JPH3: variants seen among roughly 807,000 people sequenced by gnomAD.
JPH3 encodes the protein junctophilin-3.
A neutral mutation model predicts 59.6 loss-of-function variants in JPH3; 11 were observed. The observed-to-expected ratio is 0.18, with a 90% CI of 0.12 to 0.31. JPH3 has a LOEUF of 0.31. Ranked by LOEUF, JPH3 falls within the 10% of genes least tolerant of loss-of-function variation. JPH3 has a pLI of 1.00. For synonymous variants in JPH3, 673 were observed against 483.6 expected, an observed-to-expected ratio of 1.39 and a Z score of -5.14; for missense variants, 1,202 against 1,105.7, an observed-to-expected ratio of 1.09 and a Z score of -1.24.
At chr16:87,668,225 T>C (rs1214440220) in intron 2 of JPH3, among the ~76,000 whole-genome samples, 1 of 152,184 alleles carries the variant, frequency 6.6e-6, no homozygotes, top group Non-Finnish European at 1.5e-5. Flanking sequence ...CCTGCGCGGC[T>C]GCTGGATCTG....
chr16:87,628,874 AG>A (rs1286449080), intron 1 of JPH3, among the ~76,000 whole-genome samples: 2 of 151,970 alleles, frequency 1.3e-5, no homozygotes, highest in East Asian at 3.9e-4. Context: ...GTTCATTGGG[AG>A]TCACTGTGCT....
chr16:87,626,370 G>C lies in JPH3; in HGVS notation c.383-17888G>C, dbSNP rs78836443. 1.2e-3 allele frequency among the ~76,000 whole-genome samples: 188 copies of C among 152,322 alleles called. No individual in the cohort carries two copies. The East Asian group carries it at 0.025, about 20-fold the overall frequency. On this transcript the variant is annotated intron_variant, in intron 1 of 4. Coordinates refer to ENST00000284262, the MANE Select transcript of JPH3 (RefSeq NM_020655.4). ...CTGAGCACACAACTCCCACCCGCCT[G>C]CCTCTCTCCGACCGCGAGTCCTCCA...
At chr16:87,680,105 G>C (rs895190606) in intron 2 of JPH3, among the ~76,000 whole-genome samples, 2 of 152,266 alleles carry the variant, frequency 1.3e-5, no homozygotes, top group African/African-American at 4.8e-5. Flanking sequence ...AGGCAGGGTT[G>C]CCTTGGCAAT....
chr16:87,664,482 G>A (rs1043286496), intron 2 of JPH3, among the ~76,000 whole-genome samples: 13 of 151,852 alleles, frequency 8.6e-5, no homozygotes, highest in African/African-American at 1.2e-4. Context: ...AAAATTAGCC[G>A]GGCGTGGTGG....
chr16:87,638,134 G>T (rs970090829), intron 1 of JPH3, among the ~76,000 whole-genome samples: 2 of 152,118 alleles, frequency 1.3e-5, no homozygotes, highest in Non-Finnish European at 2.9e-5. Context: ...TGGCCAGGCT[G>T]GTCTCGAACT....
chr16:87,692,095 T>C (rs2033600774), intron 4 of JPH3, among the ~76,000 whole-genome samples: 1 of 151,706 alleles, frequency 6.6e-6, no homozygotes, highest in Non-Finnish European at 1.5e-5. Flanking sequence ...AATCTGGAGG[T>C]CCCGTCAGCT....
Position 87,696,909 on chromosome 16 carries a change from G to A in JPH3, c.*249G>A, listed in dbSNP as rs74522271. The stretch of plus-strand genomic sequence containing the variant: ...TGTGTGGCATGGCAGAAGGAGGCCA[G>A]CACGCAGCCCCTCCAGCTCCACGTG... On this transcript the variant is annotated 3_prime_UTR_variant, in exon 5 of 5. Transcript: ENST00000284262. 1.5e-3 allele frequency: 711 copies of A among 480,310 alleles called. 2 individuals carry two copies. The highest frequency in any genetic ancestry group is 0.013 in the African/African-American group (662 of 51,096). The allele number at this position is 480,310 out of a possible 1,614,324, so 29.8% of individuals were successfully genotyped here.
intron 2 of JPH3, among the ~76,000 whole-genome samples, chr16:87,657,690 A>G (rs1233251203): frequency 2.6e-5 from 4 of 152,136 alleles, no homozygotes; most frequent in African/African-American, 9.7e-5. Context: ...GAGCCAGTCC[A>G]TCTCTGGGGT....
At chr16:87,669,028 T>C (rs1032609313) in intron 2 of JPH3, among the ~76,000 whole-genome samples, 4 of 152,174 alleles carry the variant, frequency 2.6e-5, no homozygotes, top group Admixed American at 2.6e-4. Context: ...GCCCTGCCCT[T>C]GGAGCACTGA....
At chr16:87,687,595 G>A (rs1048313950) in intron 3 of JPH3, among the ~76,000 whole-genome samples, 4 of 152,236 alleles carry the variant, frequency 2.6e-5, no homozygotes, top group East Asian at 1.9e-4. Context: ...ACTGAGCGTC[G>A]GAGGCTGCAG....
chr16:87,686,798 C>T (rs951525673), intron 3 of JPH3, among the ~76,000 whole-genome samples: 3 of 152,214 alleles, frequency 2.0e-5, no homozygotes, highest in Admixed American at 1.3e-4. Context: ...CTGCCTCCTC[C>T]GACAGTTCTT....
chr16:87,646,249 G>A (rs1278177725), intron 2 of JPH3, among the ~76,000 whole-genome samples: 1 of 152,200 alleles, frequency 6.6e-6, no homozygotes, highest in African/African-American at 2.4e-5. Flanking sequence ...AGTGACCTTT[G>A]ATCTATAGTG....
intron 1 of JPH3, among the ~76,000 whole-genome samples, chr16:87,612,354 A>T (rs1408775885): frequency 6.6e-6 from 1 of 152,172 alleles, no homozygotes; most frequent in African/African-American, 2.4e-5. Flanking sequence ...CAAACTCCTG[A>T]GCTCAAGCGA....
At chr16:87,629,068 G>C (rs923247862) in intron 1 of JPH3, among the ~76,000 whole-genome samples, 3 of 151,310 alleles carry the variant, frequency 2.0e-5, no homozygotes, top group South Asian at 2.1e-4. Flanking sequence ...CTAACGCTGT[G>C]GGGGGGGCCC....
intron 3 of JPH3, among the ~76,000 whole-genome samples, chr16:87,686,914 T>C (rs2033433093): frequency 6.6e-6 from 1 of 152,222 alleles, no homozygotes; most frequent in Non-Finnish European, 1.5e-5. Context: ...TCTGGCCAAG[T>C]TGGCCTCACC....
chr16:87,663,808 C>G (rs1023683159), intron 2 of JPH3, among the ~76,000 whole-genome samples: 12 of 152,198 alleles, frequency 7.9e-5, no homozygotes, highest in African/African-American at 2.7e-4. Flanking sequence ...CTCTGAACCC[C>G]TTGACATGTG....
chr16:87,692,532 C>T (rs2033621865), intron 4 of JPH3, among the ~76,000 whole-genome samples: 1 of 152,328 alleles, frequency 6.6e-6, no homozygotes, highest in Admixed American at 6.5e-5. Context: ...CTGCAGAGCT[C>T]ACACGCCAGA....
intron 2 of JPH3, among the ~76,000 whole-genome samples, chr16:87,663,638 G>A (rs1443765989): frequency 6.6e-6 from 1 of 152,074 alleles, no homozygotes; most frequent in African/African-American, 2.4e-5. Flanking sequence ...GGATGCATAC[G>A]CACCTCACAC....
intron 4 of JPH3, among the ~76,000 whole-genome samples, chr16:87,691,177 C>T (rs992818025): frequency 2.0e-5 from 3 of 151,912 alleles, no homozygotes; most frequent in African/African-American, 7.3e-5. Context: ...GCTGGGGGTC[C>T]CAGGCTAGAC....
Sources: gnomAD v4.1 joint callset for allele counts (sites outside exome capture counted in the v4.1 genomes callset) on GRCh38, gnomAD v4.1.1 for gene constraint, MANE v1.5 for transcripts, NCBI Gene and HGNC (gene_info 2026-07-23, HGNC 2026-07-21) for gene names.